The following NPAS3 variants were observed in gnomAD, a reference collection of about 807,000 sequenced individuals.
The protein encoded by NPAS3 is neuronal PAS domain-containing protein 3.
NPAS3 carries 14 observed loss-of-function variants against 73.1 expected under a neutral mutation model. That is an observed-to-expected ratio of 0.19 (90% CI 0.13 to 0.30). The LOEUF (loss-of-function observed/expected upper bound fraction) is 0.30. NPAS3 is among the 10% of genes least tolerant of loss of function. NPAS3 has a pLI of 1.00. For synonymous variants in NPAS3, 620 were observed against 541.5 expected, an observed-to-expected ratio of 1.14 and a Z score of -2.01; for missense variants, 1,096 against 1,250.0, an observed-to-expected ratio of 0.88 and a Z score of 1.86.
intron 5 of NPAS3, among the ~76,000 whole-genome samples, chr14:33,640,501 A>G (rs1250635863): frequency 6.6e-6 from 1 of 152,252 alleles, no homozygotes; most frequent in Non-Finnish European, 1.5e-5. Flanking sequence ...AATAATTAAA[A>G]TTCACAATTC....
At chr14:33,254,123 G>T (rs888022976) in intron 3 of NPAS3, among the ~76,000 whole-genome samples, 2 of 151,944 alleles carry the variant, frequency 1.3e-5, no homozygotes, top group African/African-American at 4.8e-5. Context: ...AGACTGACTG[G>T]GGTCCTCGCA....
At chr14:33,365,201 C>CAAAA (rs371230319) in intron 3 of NPAS3, among the ~76,000 whole-genome samples, 795 of 44,928 alleles carry the variant, frequency 0.018, 115 homozygotes, top group Middle Eastern at 0.036. Flanking sequence ...CCCATAATCT[C>CAAAA]AAAAAAAAAA....
chr14:32,975,874 TGTG>T (rs2037649341), intron 1 of NPAS3, among the ~76,000 whole-genome samples: 1 of 108,500 alleles, frequency 9.2e-6, no homozygotes, highest in African/African-American at 2.8e-5. Flanking sequence ...TGTGTGTGTG[TGTG>T]TGTGTGTGTG....
At chr14:33,187,343 C>A (rs1435653033) in intron 2 of NPAS3, among the ~76,000 whole-genome samples, 3 of 152,192 alleles carry the variant, frequency 2.0e-5, no homozygotes, top group Non-Finnish European at 4.4e-5. Flanking sequence ...CTACCCTCAC[C>A]TGAAATGCTC....
intron 5 of NPAS3, among the ~76,000 whole-genome samples, chr14:33,623,053 AC>A (rs1369814313): frequency 2.6e-5 from 4 of 152,178 alleles, no homozygotes; most frequent in African/African-American, 9.7e-5. Flanking sequence ...ACCTACAGTA[AC>A]ATGAAGGGAA....
At chr14:33,016,885 G>A (rs1276662765) in intron 1 of NPAS3, among the ~76,000 whole-genome samples, 1 of 152,040 alleles carries the variant, frequency 6.6e-6, no homozygotes, top group Non-Finnish European at 1.5e-5. Context: ...TGCATTGTTT[G>A]GAACAGATGG....
At chr14:33,722,190 T>C (rs1437887095) in intron 6 of NPAS3, among the ~76,000 whole-genome samples, 1 of 152,170 alleles carries the variant, frequency 6.6e-6, no homozygotes, top group East Asian at 1.9e-4. Context: ...ACATCAAGTA[T>C]GTCATTGGAA....
intron 4 of NPAS3, among the ~76,000 whole-genome samples, chr14:33,502,770 TAC>T (rs973341397): frequency 6.6e-6 from 1 of 151,986 alleles, no homozygotes; most frequent in Non-Finnish European, 1.5e-5. Flanking sequence ...TCTTCTGTCT[TAC>T]AGTCTATCCT....
intron 3 of NPAS3, among the ~76,000 whole-genome samples, chr14:33,266,907 G>C (rs2040842932): frequency 6.6e-6 from 1 of 152,294 alleles, no homozygotes; most frequent in South Asian, 2.1e-4. Context: ...GCAGAGGACT[G>C]TTAGGAAAGT....
At chr14:33,058,959 G>A (rs17100034) in intron 2 of NPAS3, among the ~76,000 whole-genome samples, 18,837 of 152,172 alleles carry the variant, frequency 0.12, 1,401 homozygotes, top group East Asian at 0.29. Context: ...AAGAGGCTAC[G>A]CTGTTTGGTC....
intron 4 of NPAS3, among the ~76,000 whole-genome samples, chr14:33,510,697 A>C (rs2053007053): frequency 6.6e-6 from 1 of 152,070 alleles, no homozygotes; most frequent in South Asian, 2.1e-4. Flanking sequence ...GCGTTACACT[A>C]AATTCTTACA....
intron 6 of NPAS3, among the ~76,000 whole-genome samples, chr14:33,729,109 C>T (rs956296978): frequency 6.6e-6 from 1 of 152,138 alleles, no homozygotes; most frequent in Non-Finnish European, 1.5e-5. Flanking sequence ...TCCTTTCTTT[C>T]AATATCTTTC....
At chr14:33,168,854 G>C (rs972410938) in intron 2 of NPAS3, among the ~76,000 whole-genome samples, 2 of 152,150 alleles carry the variant, frequency 1.3e-5, no homozygotes, top group African/African-American at 4.8e-5. Flanking sequence ...CTCTAAGAAA[G>C]TAAAAAATGA....
intron 4 of NPAS3, among the ~76,000 whole-genome samples, chr14:33,543,287 C>T (rs983144200): frequency 2.0e-5 from 3 of 152,138 alleles, no homozygotes; most frequent in Admixed American, 2.0e-4. Flanking sequence ...TGGAAATAAT[C>T]CAGAATCAGT....
In NPAS3 at chr14:33,258,814, T is replaced by TTTTG. The variant is rs544428037; in HGVS notation, c.385+43400_385+43403dup. Among the ~76,000 whole-genome samples the TTTTG allele has an allele frequency of 1.1e-3, 175 of 152,256 alleles. 1 individual carries two copies. Among genetic ancestry groups the TTTTG allele is most frequent in the East Asian group, 4.4e-3 (23 of 5,182 alleles). On this transcript the variant is annotated intron_variant, in intron 3 of 11. Coordinates refer to ENST00000356141, the Ensembl canonical transcript of NPAS3. ...TTTTTATCATAAATAGCTGTAGCTC[T>TTTTG]TTTGTTTGTTTGTTTTTGAGATGGA... is the stretch of plus-strand genomic sequence containing the variant.
downstream of NPAS3, chr14:33,802,376 T>TAAAAAAAAAAAAAAAGAAAAAAA (rs1434018329): frequency 1.0e-5 from 1 of 95,714 alleles, no homozygotes; most frequent in Non-Finnish European, 2.0e-5. Context: ...GCACATTAAG[T>TAAAAAAAAAAAAAAAGAAAAAAA]AAAAAAAAAA....
intron 3 of NPAS3, among the ~76,000 whole-genome samples, chr14:33,270,741 C>G (rs985243072): frequency 1.3e-5 from 2 of 152,152 alleles, no homozygotes; most frequent in African/African-American, 4.8e-5. Context: ...TGGCTTTAGC[C>G]TGTTAAGCAC....
At chr14:33,655,517 A>G (rs1482885237) in intron 5 of NPAS3, among the ~76,000 whole-genome samples, 1 of 152,160 alleles carries the variant, frequency 6.6e-6, no homozygotes, top group African/African-American at 2.4e-5. Context: ...GCCTGAATAT[A>G]TGAAAAACAA....
In NPAS3 at chr14:33,527,446, C is replaced by T. The variant is rs2140148382; in HGVS notation, c.469-32675C>T. On this transcript the variant is annotated intron_variant, in intron 4 of 11. Transcript: ENST00000356141. ...TGCCTGTAACAAAATAAGATGTTATCTCTGTTTCTCAGAGATGTAGTCATT... is the reference window on the plus strand; with the variant it reads ...TGCCTGTAACAAAATAAGATGTTATTTCTGTTTCTCAGAGATGTAGTCATT... 1.3e-5 allele frequency among the ~76,000 whole-genome samples: 2 copies of T among 152,260 alleles called. 1 individual carries two copies. The highest frequency in any genetic ancestry group is 4.2e-4 in the South Asian group (2 of 4,812).
Sources: allele counts gnomAD v4.1 joint callset (sites outside exome capture counted in the v4.1 genomes callset), GRCh38; gene constraint gnomAD v4.1.1; transcripts MANE v1.5; gene names NCBI Gene and HGNC (gene_info 2026-07-23, HGNC 2026-07-21).